The following TTYH1 variants were observed in gnomAD, a reference collection of about 807,000 sequenced individuals.
The protein encoded by TTYH1 is protein tweety homolog 1.
In TTYH1, 33 loss-of-function variants were observed where a neutral mutation model predicts 61.2. The observed-to-expected ratio is 0.54, with a 90% CI of 0.41 to 0.72. TTYH1 has a LOEUF of 0.72. Ranked by LOEUF, TTYH1 falls within the 30% of genes least tolerant of loss-of-function variation. TTYH1 has a pLI of 0.00. For synonymous variants in TTYH1, 308 were observed against 266.4 expected (o/e 1.16, Z -1.52); for missense variants, 538 against 575.8 (o/e 0.93, Z 0.67).
At chr19:54,417,313 A>G (rs556577100) in intron 1 of TTYH1, among the ~76,000 whole-genome samples, 1 of 151,230 alleles carries the variant, frequency 6.6e-6, no homozygotes, top group South Asian at 2.1e-4. Context: ...GCACACTCAC[A>G]TGCACACACT....
chr19:54,435,993 C>T (rs2083542777), intron 12 of TTYH1, 98 bp from the exon 13 acceptor site: 2 of 1,566,022 alleles, frequency 1.3e-6, no homozygotes, highest in African/African-American at 1.4e-5. Context: ...GGGGCCCGGA[C>T]TCCTGGGTCT....
chr19:54,435,627 G>C lies in TTYH1; in HGVS notation c.1211G>C (p.Gly404Ala), dbSNP rs1384518642. 6.2e-7 allele frequency: 1 copy of C among 1,612,158 alleles called. No homozygotes were observed. The highest frequency in any genetic ancestry group is 8.5e-7 in the Non-Finnish European group (1 of 1,179,626). ...CTACTCTTCTCCCTGCTGTCTGCAG[G>C]AGCGCTGGCCACTGCCCTCTGCAGC... The part of the protein sequence containing the change: ...FLLLFSLLSA[G>A]ALATALCSLP... Residue 404 changes from glycine to alanine, a missense_variant, in exon 11 of 14, where the codon GGA becomes GCA. Gly to Ala is a moderately conservative substitution (Grantham distance 60). Transcript: ENST00000376530.
chr19:54,425,096 C>T (rs996393175), intron 4 of TTYH1, among the ~76,000 whole-genome samples: 2 of 152,220 alleles, frequency 1.3e-5, no homozygotes, highest in African/African-American at 2.4e-5. Flanking sequence ...GTGTTCAGCT[C>T]GATCAGGATG....
Position 54,434,555 on chromosome 19 carries a change from T to C in TTYH1, c.1126-987T>C. Reference sequence around the variant, plus strand: ...TTGCACACCAGCCTCTGAGATGACCTTCTCGGTCCTGTTTACCGAAGTTTC... The same window carrying C: ...TTGCACACCAGCCTCTGAGATGACCCTCTCGGTCCTGTTTACCGAAGTTTC... On this transcript the variant is annotated intron_variant, in intron 10 of 13. Transcript: ENST00000376530. This position sits in a 1 kb window ranked among gnomAD's most constrained non-coding sequence, Gnocchi z 4.3. 6.6e-6 allele frequency: 1 copy of C among 152,602 alleles called. No individual in the cohort carries two copies. Among genetic ancestry groups the C allele is most frequent in the Non-Finnish European group, 1.5e-5 (1 of 68,260 alleles). 9.5% of individuals were successfully genotyped at this position (152,602 alleles called of 1,614,324 possible). A position where few individuals can be genotyped will look rare whatever the true frequency, so the allele number is the denominator to read the frequency against.
At chr19:54,427,502 G>A (rs2083348334) in intron 5 of TTYH1, among the ~76,000 whole-genome samples, 1 of 151,578 alleles carries the variant, frequency 6.6e-6, no homozygotes, top group South Asian at 2.1e-4. Context: ...TACTCGGGAG[G>A]CTGAGGCAGG....
chr19:54,424,678 G>A (rs1246469882), intron 4 of TTYH1, among the ~76,000 whole-genome samples: 1 of 152,178 alleles, frequency 6.6e-6, no homozygotes, highest in Non-Finnish European at 1.5e-5. Context: ...TATCTTCCGG[G>A]TGCACCACTG....
At position 54,416,746 on chromosome 19, in the gene TTYH1, C is replaced by A. The variant is rs766485926; in HGVS notation, c.126+1068C>A. The A allele has an allele frequency of 3.9e-5, 51 of 1,291,490 alleles. No homozygotes were observed. The highest frequency in any genetic ancestry group is 4.7e-5 in the Non-Finnish European group (46 of 988,380). The allele number at this position is 1,291,490 out of a possible 1,614,324, so 80.0% of individuals were successfully genotyped here. Reference sequence around the variant, plus strand: ...CTCTTCCCCGCCTGCTCCTCGCCGCCCCCTCTCCCCACACACGGGGACCGC... The same window carrying A: ...CTCTTCCCCGCCTGCTCCTCGCCGCACCCTCTCCCCACACACGGGGACCGC... On this transcript the variant is annotated intron_variant, in intron 1 of 13. Transcript: ENST00000376530. The surrounding 1 kb of genome is among the most constrained non-coding windows in gnomAD (Gnocchi z 7.0).
At chr19:54,426,549 G>A (rs1402520557) in intron 4 of TTYH1, 124 bp from the exon 5 acceptor site, 3 of 756,504 alleles carry the variant, frequency 4.0e-6, no homozygotes, top group Non-Finnish European at 7.1e-6. Context: ...AGGAGGCTGA[G>A]CTTGGAGGGT....
In TTYH1 at chr19:54,435,850, G is replaced by T; in HGVS notation, c.1291G>T (p.Asp431Tyr). The change falls in exon 12 of 14, where the codon GAT becomes TAT. Residue 431 changes from aspartate to tyrosine, a missense_variant. Asp to Tyr is a radical substitution (Grantham distance 160). Around this residue, in one of 3 missense-constraint regions of TTYH1, gnomAD observed 378 missense variants for 401.2 expected, o/e 0.94. Coordinates refer to ENST00000376530, the MANE Select transcript of TTYH1 (RefSeq NM_020659.4). ...CAGTGACGACTACGATGACACAGAC[G>T]ATGACGACCCTTTCAACCCTCAGGT... ...PPSDDYDDTD[D>Y]DDPFNPQESK... is the part of the protein sequence containing the mutation. 6.2e-7 allele frequency: 1 copy of T among 1,614,046 alleles called. No individual in the cohort carries two copies.
In TTYH1 at chr19:54,430,580, G is replaced by A. The variant is rs756461407; in HGVS notation, c.914G>A (p.Arg305Gln). The A allele has an allele frequency of 3.1e-6, 5 of 1,613,866 alleles. No homozygotes were observed. The highest frequency in any genetic ancestry group is 1.1e-5 in the South Asian group (1 of 91,066). The stretch of plus-strand genomic sequence containing the variant: ...CTGAGCTATTATCTCCTCTGCAACC[G>A]GGCCGTCTCCAACCCCTTCCAACAG... ...DILSYYLLCN[R>Q]AVSNPFQQRL... Residue 305 changes from arginine (R) to glutamine (Q), a missense_variant, in exon 8 of 14, where the codon CGG becomes CAG. Transcript: ENST00000376530.
In TTYH1 at chr19:54,434,833, G is replaced by A. The variant is rs1042640847; in HGVS notation, c.1126-709G>A. The A allele has an allele frequency of 3.3e-5, 5 of 152,204 alleles. No homozygotes were observed. The highest frequency in any genetic ancestry group is 1.2e-4 in the African/African-American group (5 of 41,422). The allele number at this position is 152,204 out of a possible 1,614,324, so 9.4% of individuals were successfully genotyped here. A position where few individuals can be genotyped will look rare whatever the true frequency, so the allele number is the denominator to read the frequency against. Reference sequence around the variant, plus strand: ...GTGATTCTGCCCCCAGGGACACCTGGCTGGGTGAGGAGTTCTGCCCCCAGG... The same window carrying A: ...GTGATTCTGCCCCCAGGGACACCTGACTGGGTGAGGAGTTCTGCCCCCAGG... On this transcript the variant is annotated intron_variant, in intron 10 of 13. Transcript: ENST00000376530. This position sits in a 1 kb window ranked among gnomAD's most constrained non-coding sequence, Gnocchi z 4.3.
rs990091391 is a variant in TTYH1 at position 54,416,962 on chromosome 19, C to T, written c.126+1284C>T. The T allele has an allele frequency of 7.3e-6, 9 of 1,237,450 alleles. No individual in the cohort carries two copies. The highest frequency in any genetic ancestry group is 6.1e-4 in the Middle Eastern group (2 of 3,282). The allele number at this position is 1,237,450 out of a possible 1,614,324, so 76.7% of individuals were successfully genotyped here. On this transcript the variant is annotated intron_variant, in intron 1 of 13. Coordinates refer to ENST00000376530, the MANE Select transcript of TTYH1 (RefSeq NM_020659.4). The surrounding 1 kb of genome is among the most constrained non-coding windows in gnomAD (Gnocchi z 7.0). ...GGGAGCCTCACTCCGCCCCCACGGTCGGGGGTCAGGGTCAGGGTGGCAGGG... is the reference window on the plus strand; with the variant it reads ...GGGAGCCTCACTCCGCCCCCACGGTTGGGGGTCAGGGTCAGGGTGGCAGGG...
At chr19:54,425,318 G>T (rs1391778988) in intron 4 of TTYH1, among the ~76,000 whole-genome samples, 1 of 152,210 alleles carries the variant, frequency 6.6e-6, no homozygotes, top group African/African-American at 2.4e-5. Context: ...CCAGAAGAGT[G>T]TGCAGTTTCA....
chr19:54,416,729 C>T lies in TTYH1; in HGVS notation c.126+1051C>T. Reference sequence around the variant, plus strand: ...GGCACAGCCCTGAGCAGCTCTTCCCCGCCTGCTCCTCGCCGCCCCCTCTCC... The same window carrying T: ...GGCACAGCCCTGAGCAGCTCTTCCCTGCCTGCTCCTCGCCGCCCCCTCTCC... On this transcript the variant is annotated intron_variant, in intron 1 of 13. Transcript: ENST00000376530. This position sits in a 1 kb window ranked among gnomAD's most constrained non-coding sequence, Gnocchi z 7.0. The T allele has an allele frequency of 7.8e-7, 1 of 1,287,494 alleles. No homozygotes were observed. The highest frequency in any genetic ancestry group is 1.0e-6 in the Non-Finnish European group (1 of 986,126). The allele number at this position is 1,287,494 out of a possible 1,614,324, so 79.8% of individuals were successfully genotyped here.
In TTYH1 at chr19:54,422,308, C is replaced by T. The variant is rs562699181; in HGVS notation, c.536C>T (p.Ala179Val). 1.3e-5 allele frequency: 20 copies of T among 1,564,164 alleles called. No homozygotes were observed. The highest frequency in any genetic ancestry group is 7.1e-5 in the East Asian group (3 of 42,440). ...GCCGCCCGAGGGGCTCGACGGCAGG[C>T]GGAGGCTGCGGCCCAGCAGCTGCAG... The part of the protein sequence containing the change: ...VAAARGARRQ[A>V]EAAAQQLQGL... The change falls in exon 4 of 14, where the codon GCG (alanine) becomes GTG (valine). Residue 179 changes from alanine to valine, a missense_variant. Coordinates refer to ENST00000376530, the MANE Select transcript of TTYH1 (RefSeq NM_020659.4).
Position 54,422,928 on chromosome 19 carries a change from C to CAA in TTYH1, c.638+540_638+541dup, listed in dbSNP as rs573699988. ...TGGGCGATAGAGTGAGACTCCATCT[C>CAA]AAAAAAAAAAAAAAAAAAAAAAAGA... On this transcript the variant is annotated intron_variant, in intron 4 of 13. Coordinates refer to ENST00000376530, the MANE Select transcript of TTYH1 (RefSeq NM_020659.4). 3.0e-3 allele frequency among the ~76,000 whole-genome samples: 258 copies of CAA among 85,004 alleles called. 4 individuals carry two copies. The highest frequency in any genetic ancestry group is 4.1e-3 in the African/African-American group (74 of 18,024). 55.8% of individuals were successfully genotyped at this position (85,004 alleles called of 152,430 possible). A position where few individuals can be genotyped will look rare whatever the true frequency, so the allele number is the denominator to read the frequency against.
intron 1 of TTYH1, chr19:54,418,550 TAC>T (rs371665366): frequency 1.7e-4 from 25 of 151,006 alleles, no homozygotes; most frequent in Non-Finnish European, 2.4e-4. Context: ...GAGTCTTGCA[TAC>T]ACACACACAC....
chr19:54,419,196 C>T lies in TTYH1; in HGVS notation c.195C>T (p.Tyr65=). Residue 65 remains tyrosine, a synonymous_variant, in exon 2 of 14, where the codon TAC becomes TAT. Transcript: ENST00000376530. The surrounding 1 kb of genome is among the most constrained non-coding windows in gnomAD (Gnocchi z 6.1). ...LGLSLIFIAV[Y]LIRFCCCRPP... is the part of the protein sequence containing the mutation. ...TGAGCCTCATTTTCATCGCTGTCTACCTCATCCGCTTCTGCTGCTGCCGGC... is the reference window on the plus strand; with the variant it reads ...TGAGCCTCATTTTCATCGCTGTCTATCTCATCCGCTTCTGCTGCTGCCGGC... 6.2e-7 allele frequency: 1 copy of T among 1,612,760 alleles called. No individual in the cohort carries two copies. The highest frequency in any genetic ancestry group is 1.1e-5 in the South Asian group (1 of 91,090).
At chr19:54,431,434 C>G (rs2083442919) in intron 10 of TTYH1, 1 of 545,016 alleles carries the variant, frequency 1.8e-6, no homozygotes, top group East Asian at 3.3e-5. Context: ...AACTCCCGCA[C>G]TCCCCGCTGG....
Sources: allele counts gnomAD v4.1 joint callset (sites outside exome capture counted in the v4.1 genomes callset), GRCh38; gene constraint gnomAD v4.1.1; regional missense constraint gnomAD v4.1.1; non-coding constraint Gnocchi (gnomAD v3.1); transcripts MANE v1.5; gene names NCBI Gene and HGNC (gene_info 2026-07-23, HGNC 2026-07-21).